CACNG1: variants seen among roughly 807,000 people sequenced by gnomAD.
The protein encoded by CACNG1 is calcium voltage-gated channel auxiliary subunit gamma 1.
A neutral mutation model predicts 22.0 loss-of-function variants in CACNG1; 21 were observed. The ratio of observed to expected loss-of-function variants is 0.95; its 90% CI spans 0.68 to 1.37. The LOEUF (loss-of-function observed/expected upper bound fraction) is 1.37. Among genes scored for constraint, CACNG1 ranks in the 40% most tolerant of loss-of-function variants. The probability of loss-of-function intolerance (pLI) is 0.00; values close to 1 mark genes in which losing one functional copy is unlikely to be tolerated. For missense variants in CACNG1, 291 were observed against 308.6 expected, an observed-to-expected ratio of 0.94 and a Z score of 0.43; for synonymous variants, 127 against 129.2, an observed-to-expected ratio of 0.98 and a Z score of 0.12.
rs1239039295 is a variant in CACNG1, at chr17:67,054,978, G to C, written c.305-125G>C. On this transcript the variant is annotated intron_variant, in intron 2 of 3. Coordinates refer to ENST00000226021, the MANE Select transcript of CACNG1 (RefSeq NM_000727.4). This position sits in a 1 kb window ranked among gnomAD's most constrained non-coding sequence, Gnocchi z 4.6. ...AAGACAGACACAGAGACACACACTTGACACACACACAATGACACACACAGA... is the reference window on the plus strand; with the variant it reads ...AAGACAGACACAGAGACACACACTTCACACACACACAATGACACACACAGA... The C allele has an allele frequency of 1.1e-6, 1 of 932,332 alleles. No homozygotes were observed. The highest frequency in any genetic ancestry group is 1.8e-5 in the African/African-American group (1 of 55,454). The allele number at this position is 932,332 out of a possible 1,614,324, so 57.8% of individuals were successfully genotyped here. A position where few individuals can be genotyped will look rare whatever the true frequency, so the allele number is the denominator to read the frequency against.
chr17:67,055,264 C>T lies in CACNG1; in HGVS notation c.442+24C>T, dbSNP rs201686961. ...AGGTAGACTGGGGGATCTGCCTGAG[C>T]GCCGGGGCCGGGGGACCATGTCGCG... On this transcript the variant is annotated intron_variant, in intron 3 of 3. Coordinates refer to ENST00000226021, the MANE Select transcript of CACNG1 (RefSeq NM_000727.4). The surrounding 1 kb of genome is among the most constrained non-coding windows in gnomAD (Gnocchi z 4.5). 1.5e-4 allele frequency: 243 copies of T among 1,602,806 alleles called. 2 individuals are homozygous for T. In the South Asian group the frequency reaches 2.2e-3, roughly 14 times the overall value.
rs374291670 is a variant in CACNG1 at position 67,055,104 on chromosome 17, G to A, written c.306G>A (p.Glu102=). The change falls in exon 3 of 4, where the codon GAG becomes GAA. Residue 102 remains glutamate (E), a splice_region_variant and synonymous_variant. Transcript: ENST00000226021. This position sits in a 1 kb window ranked among gnomAD's most constrained non-coding sequence, Gnocchi z 4.5. ...SEIFEFTTQK[E]YSISAAAIAI... is the part of the protein sequence containing the mutation. ...GCTGGGTGTCCCTTGTGTTTGCAGA[G>A]TACAGCATCTCGGCAGCCGCCATCG... 45 of 1,613,866 alleles carry A rather than the reference G, an allele frequency of 2.8e-5. No individual in the cohort carries two copies. The African/African-American group carries it at 4.7e-4, about 17-fold the overall frequency.
chr17:67,052,701 T>C (rs2035734970), intron 1 of CACNG1, among the ~76,000 whole-genome samples: 1 of 151,704 alleles, frequency 6.6e-6, no homozygotes, highest in Non-Finnish European at 1.5e-5. Context: ...GGAAACATAA[T>C]ATAAAATAAC....
In CACNG1 at chr17:67,056,261, C is replaced by T; in HGVS notation, c.659C>T (p.Pro220Leu). The change falls in exon 4 of 4, where the codon CCC (proline) becomes CTC (leucine). Residue 220 changes from proline to leucine, a missense_variant. Pro to Leu is a moderately conservative substitution (Grantham distance 98, BLOSUM62 -3). Coordinates refer to ENST00000226021, the MANE Select transcript of CACNG1 (RefSeq NM_000727.4). This position sits in a 1 kb window ranked among gnomAD's most constrained non-coding sequence, Gnocchi z 4.3. ...TGGGAGTCCTGCATGGATGCTGAGCCCGAGCACTAACCCTCCTGCGGCCCT... is the reference window on the plus strand; with the variant it reads ...TGGGAGTCCTGCATGGATGCTGAGCTCGAGCACTAACCCTCCTGCGGCCCT... The part of the protein sequence containing the change: ...NPWESCMDAE[P>L]EH 2 of 1,613,904 alleles carry T rather than the reference C, an allele frequency of 1.2e-6. No homozygotes were observed. The highest frequency in any genetic ancestry group is 1.1e-5 in the South Asian group (1 of 91,072).
rs925490374 is a variant in CACNG1, at chr17:67,054,820, A to G, written c.305-283A>G. ...CACTGACACACACGTACAATGACACAGACACAGAGACACACACTGACACAC... is the reference window on the plus strand; with the variant it reads ...CACTGACACACACGTACAATGACACGGACACAGAGACACACACTGACACAC... On this transcript the variant is annotated intron_variant, in intron 2 of 3. Transcript: ENST00000226021. This position sits in a 1 kb window ranked among gnomAD's most constrained non-coding sequence, Gnocchi z 4.6. Among the ~76,000 whole-genome samples, 4 of 151,996 alleles carry G rather than the reference A, an allele frequency of 2.6e-5. No individual in the cohort carries two copies. Among genetic ancestry groups the G allele is most frequent in the Admixed American group, 1.3e-4 (2 of 15,276 alleles).
At position 67,054,246 on chromosome 17, in the gene CACNG1, C is replaced by A. The variant is rs149987398; in HGVS notation, c.304+176C>A. ...CCCCGCTCCGGAGGCCCCAGGCAGC[C>A]GCCTTCCATCTCCAGGGCCCGGAGC... On this transcript the variant is annotated intron_variant, in intron 2 of 3. Coordinates refer to ENST00000226021, the MANE Select transcript of CACNG1 (RefSeq NM_000727.4). The surrounding 1 kb of genome is among the most constrained non-coding windows in gnomAD (Gnocchi z 4.6). Among the ~76,000 whole-genome samples the A allele has an allele frequency of 2.0e-5, 3 of 152,206 alleles. No individual in the cohort carries two copies. The highest frequency in any genetic ancestry group is 4.8e-5 in the African/African-American group (2 of 41,446).
chr17:67,050,127 G>T (rs1319636671), intron 1 of CACNG1, among the ~76,000 whole-genome samples: 1 of 152,282 alleles, frequency 6.6e-6, no homozygotes, highest in Non-Finnish European at 1.5e-5. Flanking sequence ...TTAGGGCAAG[G>T]AGGCAGGTTG....
At position 67,044,832 on chromosome 17, in the gene CACNG1, A is replaced by G; in HGVS notation, c.172A>G (p.Thr58Ala). 1.9e-6 allele frequency: 3 copies of G among 1,613,492 alleles called. No individual in the cohort carries two copies. Among genetic ancestry groups the G allele is most frequent in the Non-Finnish European group, 1.7e-6 (2 of 1,180,030 alleles). Reference protein sequence around the residue: ...AAHFGLWRICTKRIPMDDSKT... With the variant: ...AAHFGLWRICAKRIPMDDSKT... ...CCACTTCGGCCTCTGGCGGATTTGT[A>G]CCAAGCGCATCCCCATGGACGACAG... Residue 58 changes from threonine (T) to alanine (A), a missense_variant, in exon 1 of 4, where the codon ACC becomes GCC. Physicochemically the swap from Thr to Ala is moderately conservative, Grantham distance 58. Coordinates refer to ENST00000226021, the MANE Select transcript of CACNG1 (RefSeq NM_000727.4). This position sits in a 1 kb window ranked among gnomAD's most constrained non-coding sequence, Gnocchi z 6.9.
chr17:67,046,557 G>A (rs914724951), intron 1 of CACNG1, among the ~76,000 whole-genome samples: 1 of 152,142 alleles, frequency 6.6e-6, no homozygotes, highest in African/African-American at 2.4e-5. Flanking sequence ...GACAGGTGTG[G>A]CCATGTGCTT....
chr17:67,053,941 CTG>C, intron 1 of CACNG1, 53 bp from the exon 2 acceptor site: 1 of 1,347,616 alleles, frequency 7.4e-7, no homozygotes, highest in Admixed American at 1.7e-5. Context: ...TGCCAGGCCT[CTG>C]TCCTTGCTAC....
chr17:67,056,318 G>A lies in CACNG1; in HGVS notation c.*47G>A. ...CCTCAGGCTTCTTCCCCAGGAAGCG[G>A]GGTCTTGGCCTGGAACCTTCCAGAG... On this transcript the variant is annotated 3_prime_UTR_variant, in exon 4 of 4. Transcript: ENST00000226021. The surrounding 1 kb of genome is among the most constrained non-coding windows in gnomAD (Gnocchi z 4.3). 6.4e-7 allele frequency: 1 copy of A among 1,567,992 alleles called. No individual in the cohort carries two copies. Among genetic ancestry groups the A allele is most frequent in the Admixed American group, 1.7e-5 (1 of 59,802 alleles).
chr17:67,045,375 A>G (rs2035690542), intron 1 of CACNG1, among the ~76,000 whole-genome samples: 1 of 152,050 alleles, frequency 6.6e-6, no homozygotes, highest in African/African-American at 2.4e-5. Flanking sequence ...CCTTGCTCCA[A>G]ATTACCAAGG....
intron 1 of CACNG1, among the ~76,000 whole-genome samples, chr17:67,051,780 G>A (rs2035729844): frequency 6.6e-6 from 1 of 152,264 alleles, no homozygotes; most frequent in Non-Finnish European, 1.5e-5. Context: ...GCGGAGCCTG[G>A]CGTTTATCTG....
chr17:67,054,930 T>A lies in CACNG1; in HGVS notation c.305-173T>A, dbSNP rs1292650673. On this transcript the variant is annotated intron_variant, in intron 2 of 3. Coordinates refer to ENST00000226021, the MANE Select transcript of CACNG1 (RefSeq NM_000727.4). This position sits in a 1 kb window ranked among gnomAD's most constrained non-coding sequence, Gnocchi z 4.6. ...ACACAGACACTGACACACACACAGATACACACATACAATGACACACACAAG... is the reference window on the plus strand; with the variant it reads ...ACACAGACACTGACACACACACAGAAACACACATACAATGACACACACAAG... Among the ~76,000 whole-genome samples, 2 of 146,742 alleles carry A rather than the reference T, an allele frequency of 1.4e-5. No homozygotes were observed. The highest frequency in any genetic ancestry group is 1.5e-5 in the Non-Finnish European group (1 of 66,936).
chr17:67,049,774 G>A (rs764679733), intron 1 of CACNG1, among the ~76,000 whole-genome samples: 1 of 152,162 alleles, frequency 6.6e-6, no homozygotes, highest in South Asian at 2.1e-4. Context: ...TGAACACAAG[G>A]AGTCCAGCTT....
In CACNG1 at chr17:67,055,412, G is replaced by A. The variant is rs1041413494; in HGVS notation, c.442+172G>A. The stretch of plus-strand genomic sequence containing the variant: ...TCAGCGACTCCAGGTGGGTTGGAGG[G>A]AGACAGAGCTTGGCGGTTTGTCCAT... On this transcript the variant is annotated intron_variant, in intron 3 of 3. Coordinates refer to ENST00000226021, the MANE Select transcript of CACNG1 (RefSeq NM_000727.4). This position sits in a 1 kb window ranked among gnomAD's most constrained non-coding sequence, Gnocchi z 4.5. 6.6e-6 allele frequency among the ~76,000 whole-genome samples: 1 copy of A among 152,210 alleles called. No homozygotes were observed. The highest frequency in any genetic ancestry group is 1.5e-5 in the Non-Finnish European group (1 of 68,036).
At chr17:67,051,139 C>G in intron 1 of CACNG1, among the ~76,000 whole-genome samples, 1 of 152,154 alleles carries the variant, frequency 6.6e-6, no homozygotes, top group Non-Finnish European at 1.5e-5. Flanking sequence ...TCCTCTTGAC[C>G]CATGACTAAG....
chr17:67,051,584 C>A (rs1028635278), intron 1 of CACNG1, among the ~76,000 whole-genome samples: 2 of 152,176 alleles, frequency 1.3e-5, no homozygotes, highest in African/African-American at 2.4e-5. Context: ...AGAAGGAATC[C>A]TACCCACTGG....
rs912009138 is a variant in CACNG1, at chr17:67,054,174, T to C, written c.304+104T>C. On this transcript the variant is annotated intron_variant, in intron 2 of 3. Transcript: ENST00000226021. This position sits in a 1 kb window ranked among gnomAD's most constrained non-coding sequence, Gnocchi z 4.6. ...GCAAAAGCACTGACTTCCTCACGCC[T>C]GATGAGAAGAAGCCTGTGGTGCATT... 5 of 918,374 alleles carry C rather than the reference T, an allele frequency of 5.4e-6. No individual in the cohort carries two copies. In the Admixed American group the frequency reaches 7.2e-5, roughly 13 times the overall value. The allele number at this position is 918,374 out of a possible 1,614,324, so 56.9% of individuals were successfully genotyped here. A position where few individuals can be genotyped will look rare whatever the true frequency, so the allele number is the denominator to read the frequency against.
Sources: allele counts gnomAD v4.1 joint callset (sites outside exome capture counted in the v4.1 genomes callset), GRCh38; gene constraint gnomAD v4.1.1; non-coding constraint Gnocchi (gnomAD v3.1); transcripts MANE v1.5; gene names NCBI Gene and HGNC (gene_info 2026-07-23, HGNC 2026-07-21).